Variants in CACNG3 observed in about 807,000 individuals in gnomAD.
The protein encoded by CACNG3 is calcium voltage-gated channel auxiliary subunit gamma 3.
Under a neutral mutation model 28.5 loss-of-function variants are expected in CACNG3, and 3 were observed. That is an observed-to-expected ratio of 0.11 (90% CI 0.05 to 0.27). The LOEUF (loss-of-function observed/expected upper bound fraction) is 0.27. Ranked by LOEUF, CACNG3 falls within the 10% of genes least tolerant of loss-of-function variation. CACNG3 has a pLI of 1.00. For synonymous variants in CACNG3, 174 were observed against 162.2 expected, an observed-to-expected ratio of 1.07 and a Z score of -0.55; for missense variants, 236 against 414.4, an observed-to-expected ratio of 0.57 and a Z score of 3.74.
At chr16:24,312,966 A>AGAAAG (rs1555460249) in intron 1 of CACNG3, among the ~76,000 whole-genome samples, 1 of 99,082 alleles carries the variant, frequency 1.0e-5, no homozygotes. Flanking sequence ...AGAAAGAAAG[A>AGAAAG]AAAGAAAGAA....
At chr16:24,258,302 T>G (rs1898495798) in intron 1 of CACNG3, among the ~76,000 whole-genome samples, 1 of 152,188 alleles carries the variant, frequency 6.6e-6, no homozygotes, top group South Asian at 2.1e-4. Context: ...CTACTACAAT[T>G]GATTCTGTTT....
At position 24,362,220 on chromosome 16, in the gene CACNG3, C is replaced by G. The variant is rs541800330; in HGVS notation, c.*357C>G. The G allele has an allele frequency of 5.2e-6, 1 of 190,820 alleles. No homozygotes were observed. Among genetic ancestry groups the G allele is most frequent in the Admixed American group, 5.5e-5 (1 of 18,276 alleles). The allele number at this position is 190,820 out of a possible 1,614,324, so 11.8% of individuals were successfully genotyped here. A position where few individuals can be genotyped will look rare whatever the true frequency, so the allele number is the denominator to read the frequency against. On this transcript the variant is annotated 3_prime_UTR_variant, in exon 4 of 4. Coordinates refer to ENST00000005284, the MANE Select transcript of CACNG3 (RefSeq NM_006539.4). ...GGGGGATTTCCGAATCTCCATCAGGCGCGCTCATAGTTGTCCCCATTGTCT... is the reference window on the plus strand; with the variant it reads ...GGGGGATTTCCGAATCTCCATCAGGGGCGCTCATAGTTGTCCCCATTGTCT...
chr16:24,261,730 G>A (rs1189198788), intron 1 of CACNG3, among the ~76,000 whole-genome samples: 3 of 152,144 alleles, frequency 2.0e-5, no homozygotes, highest in Non-Finnish European at 4.4e-5. Flanking sequence ...ATGGAGAAGA[G>A]GTTCAATAAC....
At chr16:24,275,791 T>TTAGAA (rs1427538854) in intron 1 of CACNG3, among the ~76,000 whole-genome samples, 1 of 152,228 alleles carries the variant, frequency 6.6e-6, no homozygotes, top group East Asian at 1.9e-4. Flanking sequence ...TGTAATGAAA[T>TTAGAA]GTGCCAAATT....
Position 24,265,591 on chromosome 16 carries a change from A to G in CACNG3, c.211+8626A>G, listed in dbSNP as rs1325484025. Among the ~76,000 whole-genome samples the G allele has an allele frequency of 2.6e-5, 4 of 152,180 alleles. No homozygotes were observed. The East Asian group carries it at 7.7e-4, about 29-fold the overall frequency. ...ATGTGTAGCTATCTCTCAGGGTTTG[A>G]CAAACTACAACTAGGCCAAATTCAG... On this transcript the variant is annotated intron_variant, in intron 1 of 3. Transcript: ENST00000005284.
At chr16:24,351,220 CT>C (rs1899934421) in intron 2 of CACNG3, among the ~76,000 whole-genome samples, 1 of 152,140 alleles carries the variant, frequency 6.6e-6, no homozygotes, top group African/African-American at 2.4e-5. Context: ...TTCATTGAAA[CT>C]TACACATGTA....
intron 1 of CACNG3, among the ~76,000 whole-genome samples, chr16:24,269,640 G>C (rs550242355): frequency 6.6e-6 from 1 of 151,456 alleles, no homozygotes; most frequent in Non-Finnish European, 1.5e-5. Context: ...CCAGCTACTC[G>C]GGAGGCTGAG....
intron 1 of CACNG3, among the ~76,000 whole-genome samples, chr16:24,325,844 G>T (rs1899533968): frequency 6.6e-6 from 1 of 152,212 alleles, no homozygotes; most frequent in Non-Finnish European, 1.5e-5. Flanking sequence ...AACAGGTGAG[G>T]ACTCTCAGTT....
At chr16:24,263,036 GA>G (rs1369740165) in intron 1 of CACNG3, among the ~76,000 whole-genome samples, 1 of 152,224 alleles carries the variant, frequency 6.6e-6, no homozygotes, top group African/African-American at 2.4e-5. Context: ...ACCCTCAGGG[GA>G]AATGTAACTT....
intron 1 of CACNG3, among the ~76,000 whole-genome samples, chr16:24,260,816 C>T (rs994315887): frequency 4.9e-4 from 74 of 152,314 alleles, no homozygotes; most frequent in Middle Eastern, 3.4e-3. Flanking sequence ...CCAACAAGAA[C>T]GCCCAACTCA....
At chr16:24,358,039 A>T (rs1900059275) in intron 3 of CACNG3, among the ~76,000 whole-genome samples, 1 of 152,204 alleles carries the variant, frequency 6.6e-6, no homozygotes, top group Admixed American at 6.5e-5. Context: ...AAGAACCCGA[A>T]GATCTTGTTT....
chr16:24,257,371 GAGAGAGAGAGAGAGAGAGAGA>G (rs1898476056), intron 1 of CACNG3, among the ~76,000 whole-genome samples: 3 of 8,792 alleles, frequency 3.4e-4, no homozygotes, highest in African/African-American at 1.5e-3. Context: ...TGAGGGGGGA[GAGAGAGAGAGAGAGAGAGAGA>G]GAGAGAGAGA....
chr16:24,260,774 T>C (rs1898526253), intron 1 of CACNG3, among the ~76,000 whole-genome samples: 1 of 152,124 alleles, frequency 6.6e-6, no homozygotes, highest in Non-Finnish European at 1.5e-5. Context: ...GGAGAGACAA[T>C]TGACCTGTGT....
chr16:24,287,429 A>G (rs1379415505), intron 1 of CACNG3, among the ~76,000 whole-genome samples: 4 of 151,592 alleles, frequency 2.6e-5, no homozygotes, highest in African/African-American at 9.7e-5. Flanking sequence ...GAGGCATGAG[A>G]ATCACTTGAA....
intron 1 of CACNG3, among the ~76,000 whole-genome samples, chr16:24,318,775 G>A (rs952673765): frequency 6.6e-6 from 1 of 152,162 alleles, no homozygotes; most frequent in Non-Finnish European, 1.5e-5. Flanking sequence ...GCTGTTCCTT[G>A]AAGCATGGAT....
chr16:24,299,900 C>G (rs1899082852), intron 1 of CACNG3, among the ~76,000 whole-genome samples: 1 of 152,002 alleles, frequency 6.6e-6, no homozygotes, highest in South Asian at 2.1e-4. Context: ...AAGTTTTAAT[C>G]AAGTTATCTG....
Position 24,317,648 on chromosome 16 carries a change from A to AAAGAAAGAAAGAAAG in CACNG3, c.212-29084_212-29083insGAAAGAAAGAAAGAA, listed in dbSNP as rs1491194402. Among the ~76,000 whole-genome samples the AAAGAAAGAAAGAAAG allele has an allele frequency of 3.2e-3, 178 of 55,702 alleles. 12 individuals carry two copies. The highest frequency in any genetic ancestry group is 7.9e-3 in the East Asian group (12 of 1,510). 36.5% of individuals were successfully genotyped at this position (55,702 alleles called of 152,430 possible). ...AAAGACAGACAGAAAGAAAGAAAAG[A>AAAGAAAGAAAGAAAG]AAAGAAAGAAAGAAAGAAAGAAAGA... On this transcript the variant is annotated intron_variant, in intron 1 of 3. Coordinates refer to ENST00000005284, the MANE Select transcript of CACNG3 (RefSeq NM_006539.4).
intron 1 of CACNG3, among the ~76,000 whole-genome samples, chr16:24,290,032 A>G (rs904278414): frequency 1.3e-5 from 2 of 152,262 alleles, no homozygotes; most frequent in Non-Finnish European, 2.9e-5. Context: ...GGCAGGCATA[A>G]GGTTAAGACA....
chr16:24,344,148 G>A (rs1169938597), intron 1 of CACNG3, among the ~76,000 whole-genome samples: 1 of 151,854 alleles, frequency 6.6e-6, no homozygotes, highest in African/African-American at 2.4e-5. Flanking sequence ...ACACGTAAAT[G>A]TGGCCAGGCG....
Sources: gnomAD v4.1 joint callset for allele counts (sites outside exome capture counted in the v4.1 genomes callset) on GRCh38, gnomAD v4.1.1 for gene constraint, MANE v1.5 for transcripts, NCBI Gene and HGNC (gene_info 2026-07-23, HGNC 2026-07-21) for gene names.